The following MCOLN1 variants were observed in gnomAD, a reference collection of about 807,000 sequenced individuals.
The protein encoded by MCOLN1 is mucolipin-1.
Under a neutral mutation model 70.3 loss-of-function variants are expected in MCOLN1, and 50 were observed. The ratio of observed to expected loss-of-function variants is 0.71; its 90% CI spans 0.57 to 0.90. The LOEUF is 0.90. Ranked by LOEUF, MCOLN1 falls within the 40% of genes least tolerant of loss-of-function variation. The pLI is 0.00. For missense variants in MCOLN1, 598 were observed against 803.5 expected (o/e 0.74, Z 3.09); for synonymous variants, 366 against 341.0 (o/e 1.07, Z -0.81).
chr19:7,522,772 C>T lies in MCOLN1; in HGVS notation c.22C>T (p.Arg8Cys). The stretch of plus-strand genomic sequence containing the variant: ...CAGCATGACAGCCCCGGCGGGTCCG[C>T]GCGGCTCAGGTGAGGGCGCGGGCGG... MTAPAGP[R>C]GSETERLLTP... The change falls in exon 1 of 14, where the codon CGC becomes TGC. Residue 8 changes from arginine to cysteine, a missense_variant. This residue lies in a region of MCOLN1 where 461 missense variants were observed against 588.4 expected (regional missense o/e 0.78). Transcript: ENST00000264079. The T allele has an allele frequency of 7.1e-7, 1 of 1,403,566 alleles. No individual in the cohort carries two copies. Among genetic ancestry groups the T allele is most frequent in the Non-Finnish European group, 9.2e-7 (1 of 1,082,918 alleles). 86.9% of individuals were successfully genotyped at this position (1,403,566 alleles called of 1,614,324 possible). A position where few individuals can be genotyped will look rare whatever the true frequency, so the allele number is the denominator to read the frequency against.
rs766447822 is a variant in MCOLN1, at chr19:7,528,786, C to T, written c.985-35C>T. 3 of 1,614,102 alleles carry T rather than the reference C, an allele frequency of 1.9e-6. No homozygotes were observed. Among genetic ancestry groups the T allele is most frequent in the East Asian group, 4.5e-5 (2 of 44,882 alleles). On this transcript the variant is annotated intron_variant, in intron 8 of 13. Coordinates refer to ENST00000264079, the MANE Select transcript of MCOLN1 (RefSeq NM_020533.3). This position sits in a 1 kb window ranked among gnomAD's most constrained non-coding sequence, Gnocchi z 4.2. ...AAGCCAGGGCTTTGAGGGTCCTGTG[C>T]CTGGTCAGGCCCTCACCCCGCCTGC...
rs1487744818 is a variant in MCOLN1, at chr19:7,526,316, C to T, written c.238-123C>T. On this transcript the variant is annotated intron_variant, in intron 2 of 13. Transcript: ENST00000264079. This position sits in a 1 kb window ranked among gnomAD's most constrained non-coding sequence, Gnocchi z 4.6. ...GTGTTTGTGGCCCAAGTTAGCAGGG[C>T]CCTGCCCCACCCCAGTGGACATCTG... is the stretch of plus-strand genomic sequence containing the variant. The T allele has an allele frequency of 2.3e-5, 27 of 1,157,136 alleles. No individual in the cohort carries two copies. The highest frequency in any genetic ancestry group is 3.4e-5 in the Non-Finnish European group (26 of 767,660). 71.7% of individuals were successfully genotyped at this position (1,157,136 alleles called of 1,614,324 possible).
At position 7,533,940 on chromosome 19, in the gene MCOLN1, TGGG is replaced by T; in HGVS notation, c.*148_*150del. The T allele has an allele frequency of 1.1e-6, 1 of 909,446 alleles. No homozygotes were observed. Among genetic ancestry groups the T allele is most frequent in the South Asian group, 1.4e-5 (1 of 71,626 alleles). The allele number at this position is 909,446 out of a possible 1,614,324, so 56.3% of individuals were successfully genotyped here. A position where few individuals can be genotyped will look rare whatever the true frequency, so the allele number is the denominator to read the frequency against. On this transcript the variant is annotated 3_prime_UTR_variant, in exon 14 of 14. Transcript: ENST00000264079. ...GCCTGGACCTTTCGTGTCGGACCCTTGGGGGCGGGGAGACTGGGTGGGGAGGGT... is the reference window on the plus strand; with the variant it reads ...GCCTGGACCTTTCGTGTCGGACCCTTGGCGGGGAGACTGGGTGGGGAGGGT...
At chr19:7,527,687 T>C (rs976418306) in intron 5 of MCOLN1, 59 bp downstream of exon 5, 1 of 1,256,620 alleles carries the variant, frequency 8.0e-7, no homozygotes, top group African/African-American at 1.5e-5. Context: ...CTAGGCACTC[T>C]CACCCCAGCA....
At chr19:7,532,156 A>T (rs562618904) in intron 12 of MCOLN1, among the ~76,000 whole-genome samples, 8 of 152,362 alleles carry the variant, frequency 5.3e-5, no homozygotes, top group Non-Finnish European at 4.4e-5. Context: ...CAGCAGATAT[A>T]TCTAAGGGCC....
At chr19:7,527,171 C>T (rs1158221799) in intron 4 of MCOLN1, 1 of 584,986 alleles carries the variant, frequency 1.7e-6, no homozygotes, top group Non-Finnish European at 3.1e-6. Context: ...ACTCAGGAGG[C>T]TGAGGCAGGA....
At chr19:7,522,880 T>A (rs919490688) in intron 1 of MCOLN1, 99 bp downstream of exon 1, 1 of 1,116,622 alleles carries the variant, frequency 9.0e-7, no homozygotes, top group Non-Finnish European at 1.2e-6. Flanking sequence ...TTTTCTAAGC[T>A]CCAGCGCTGA....
chr19:7,522,902 G>A, intron 1 of MCOLN1, 121 bp downstream of exon 1: 1 of 900,016 alleles, frequency 1.1e-6, no homozygotes, highest in Non-Finnish European at 1.5e-6. Context: ...TTTTCACGGT[G>A]GAGAAAAGGG....
Position 7,528,358 on chromosome 19 carries a change from C to G in MCOLN1, c.877+101C>G. ...CGCTGCCTGGGGGCCGTGACCTCCC[C>G]AGGAATCCGCTGAGCCTCAGATCAG... On this transcript the variant is annotated intron_variant, in intron 7 of 13. Transcript: ENST00000264079. The surrounding 1 kb of genome is among the most constrained non-coding windows in gnomAD (Gnocchi z 4.2). 3.4e-6 allele frequency: 4 copies of G among 1,172,678 alleles called. No homozygotes were observed. In the South Asian group the frequency reaches 5.1e-5, roughly 15 times the overall value. The allele number at this position is 1,172,678 out of a possible 1,614,324, so 72.6% of individuals were successfully genotyped here. A position where few individuals can be genotyped will look rare whatever the true frequency, so the allele number is the denominator to read the frequency against.
intron 12 of MCOLN1, among the ~76,000 whole-genome samples, chr19:7,532,576 G>A (rs1327857464): frequency 1.3e-5 from 2 of 152,046 alleles, no homozygotes; most frequent in Non-Finnish European, 2.9e-5. Flanking sequence ...ATTAGCGGAC[G>A]TGGTGGCAGG....
chr19:7,526,154 G>GT lies in MCOLN1; in HGVS notation c.238-283dup. 1.9e-6 allele frequency: 1 copy of GT among 518,290 alleles called. No homozygotes were observed. The highest frequency in any genetic ancestry group is 2.0e-5 in the South Asian group (1 of 48,940). 32.1% of individuals were successfully genotyped at this position (518,290 alleles called of 1,614,324 possible). ...GACATCCAGTAAACATTTAATGAACGTTAGTCCCTGCAGTGAGATAGATGA... is the reference window on the plus strand; with the variant it reads ...GACATCCAGTAAACATTTAATGAACGTTTAGTCCCTGCAGTGAGATAGATGA... On this transcript the variant is annotated intron_variant, in intron 2 of 13. Coordinates refer to ENST00000264079, the MANE Select transcript of MCOLN1 (RefSeq NM_020533.3). The surrounding 1 kb of genome is among the most constrained non-coding windows in gnomAD (Gnocchi z 4.6).
intron 9 of MCOLN1, 57 bp from the exon 10 acceptor site, chr19:7,529,044 C>T (rs962847231): frequency 1.2e-6 from 2 of 1,613,288 alleles, no homozygotes; most frequent in African/African-American, 2.7e-5. Flanking sequence ...ATATCCTCCC[C>T]CAGGCCCCCC....
At chr19:7,532,436 G>A (rs1288228630) in intron 12 of MCOLN1, among the ~76,000 whole-genome samples, 6 of 151,998 alleles carry the variant, frequency 3.9e-5, no homozygotes, top group African/African-American at 1.2e-4. Context: ...GGCTGGGCAC[G>A]GTGACTCACG....
chr19:7,528,006 G>T lies in MCOLN1; in HGVS notation c.777+46G>T. The T allele has an allele frequency of 1.3e-6, 2 of 1,564,794 alleles. No individual in the cohort carries two copies. Among genetic ancestry groups the T allele is most frequent in the Non-Finnish European group, 1.8e-6 (2 of 1,135,100 alleles). ...ACAGGGCTCCTGAGTTCCAGGGCAG[G>T]GACCTGGTCAGGGAGTGTCTTGGGA... On this transcript the variant is annotated intron_variant, in intron 6 of 13. Coordinates refer to ENST00000264079, the MANE Select transcript of MCOLN1 (RefSeq NM_020533.3). This position sits in a 1 kb window ranked among gnomAD's most constrained non-coding sequence, Gnocchi z 4.2.
chr19:7,528,135 C>G lies in MCOLN1; in HGVS notation c.778-23C>G. The stretch of plus-strand genomic sequence containing the variant: ...GGGCTTGGGGCTGCCAAGGTTTACT[C>G]TGCCCCCAACTGGCCCCCACAGATC... On this transcript the variant is annotated intron_variant, in intron 6 of 13. Transcript: ENST00000264079. The surrounding 1 kb of genome is among the most constrained non-coding windows in gnomAD (Gnocchi z 4.2). The G allele has an allele frequency of 6.2e-7, 1 of 1,612,672 alleles. No homozygotes were observed. The highest frequency in any genetic ancestry group is 8.5e-7 in the Non-Finnish European group (1 of 1,178,746).
chr19:7,527,204 T>A, intron 4 of MCOLN1: 2 of 567,142 alleles, frequency 3.5e-6, no homozygotes, highest in Non-Finnish European at 6.3e-6. Context: ...TCCGGGAGGT[T>A]GAGGCTGCAG....
chr19:7,533,755 C>T lies in MCOLN1; in HGVS notation c.1707-4C>T. ...CGCCCCTCTTCCCTGCTTCCTTCCT[C>T]CAGGGACCCCTCGGAGGAGCATTCG... On this transcript the variant is annotated splice_polypyrimidine_tract_variant and splice_region_variant and intron_variant, in intron 13 of 13. Transcript: ENST00000264079. 1 of 1,614,182 alleles carries T rather than the reference C, an allele frequency of 6.2e-7. No individual in the cohort carries two copies. The highest frequency in any genetic ancestry group is 8.5e-7 in the Non-Finnish European group (1 of 1,180,026).
chr19:7,533,501 G>T (rs926553956), intron 12 of MCOLN1, 22 bp from the exon 13 acceptor site: 1 of 1,610,174 alleles, frequency 6.2e-7, no homozygotes, highest in South Asian at 1.1e-5. Context: ...TTCAGGCTGA[G>T]CCTCCCGGCT....
chr19:7,527,155 C>T (rs1365006545), intron 4 of MCOLN1: 20 of 626,320 alleles, frequency 3.2e-5, no homozygotes, highest in Non-Finnish European at 5.7e-5. Context: ...CCCTGTGGTC[C>T]CAGCTACTCA....
Sources: gnomAD v4.1 joint callset for allele counts (sites outside exome capture counted in the v4.1 genomes callset) on GRCh38, gnomAD v4.1.1 for gene constraint, gnomAD v4.1.1 regional missense constraint, Gnocchi (gnomAD v3.1) non-coding constraint, MANE v1.5 for transcripts, NCBI Gene and HGNC (gene_info 2026-07-23, HGNC 2026-07-21) for gene names.